Variants in ALOXE3 observed in about 807,000 individuals in gnomAD.
ALOXE3 encodes the protein arachidonate epidermal lipoxygenase 3, also known as hydroperoxide isomerase ALOXE3.
A neutral mutation model predicts 87.5 loss-of-function variants in ALOXE3; 78 were observed. That is an observed-to-expected ratio of 0.89 (90% CI 0.74 to 1.08). The LOEUF (loss-of-function observed/expected upper bound fraction) is 1.08. Ranked by LOEUF, ALOXE3 falls within the 50% of genes least tolerant of loss-of-function variation. ALOXE3 has a pLI of 0.00. For synonymous variants in ALOXE3, 363 were observed against 370.8 expected (o/e 0.98, Z 0.24); for missense variants, 946 against 912.4 (o/e 1.04, Z -0.47).
At chr17:8,103,645 G>C (rs1267996019) in intron 14 of ALOXE3, 152 bp from the exon 15 acceptor site, 5 of 900,634 alleles carry the variant, frequency 5.6e-6, no homozygotes, top group Non-Finnish European at 8.8e-6. Context: ...GAAATGAGGG[G>C]ATCATGGAAA....
chr17:8,097,849 G>A (rs1394492419), intron 15 of ALOXE3, among the ~76,000 whole-genome samples: 4 of 150,534 alleles, frequency 2.7e-5, no homozygotes, highest in East Asian at 3.9e-4. Flanking sequence ...CCGGGTTCAC[G>A]CTATTCTCCT....
chr17:8,096,503 A>G lies in ALOXE3; in HGVS notation c.*124T>C. ...AGCCATCTTGGCTGCAAAAGTCTCC[A>G]TGTGCAGAAGAGAAGGTTCAGGTGA... On this transcript the variant is annotated 3_prime_UTR_variant, in exon 16 of 16. Transcript: ENST00000448843. The G allele has an allele frequency of 5.5e-6, 4 of 727,544 alleles. No individual in the cohort carries two copies. The highest frequency in any genetic ancestry group is 1.0e-5 in the Non-Finnish European group (4 of 394,356). 45.1% of individuals were successfully genotyped at this position (727,544 alleles called of 1,614,324 possible).
In ALOXE3 at chr17:8,109,170, G is replaced by A. The variant is rs757289063; in HGVS notation, c.1562+4C>T. ...GACTGCTGGTCCCGCCCCGCACCTC[G>A]CACCTCTCAATGGCCGCCCAGATCT... is the stretch of plus-strand genomic sequence containing the variant. On this transcript the variant is annotated splice_donor_region_variant and intron_variant, in intron 12 of 15. Transcript: ENST00000448843. The A allele has an allele frequency of 1.1e-5, 18 of 1,612,804 alleles. No homozygotes were observed. The highest frequency in any genetic ancestry group is 4.0e-5 in the African/African-American group (3 of 74,942).
At position 8,109,202 on chromosome 17, in the gene ALOXE3, C is replaced by T. The variant is rs768352670; in HGVS notation, c.1534G>A (p.Gly512Ser). The change falls in exon 12 of 16, where the codon GGC (glycine) becomes AGC (serine). Residue 512 changes from glycine to serine, a missense_variant. By Grantham distance (56) the Gly-to-Ser change is moderately conservative (BLOSUM62 0). Coordinates refer to ENST00000448843, the MANE Select transcript of ALOXE3 (RefSeq NM_021628.3). ...AIPNYHYRDDGLKIWAAIESF... is the reference protein window; with the variant it reads ...AIPNYHYRDDSLKIWAAIESF... ...TCAATGGCCGCCCAGATCTTCAGGC[C>T]GTCGTCTCGGTAGTGGTAGTTGGGG... 9 of 1,613,774 alleles carry T rather than the reference C, an allele frequency of 5.6e-6. No individual in the cohort carries two copies. The Admixed American group carries it at 1.0e-4, about 18-fold the overall frequency.
intron 13 of ALOXE3, among the ~76,000 whole-genome samples, chr17:8,107,897 GAAA>G (rs1567996360): frequency 0.019 from 91 of 4,794 alleles, 2 homozygotes; most frequent in Non-Finnish European, 0.032. Flanking sequence ...AAGAAAGAAA[GAAA>G]GAAAGAAAGA....
chr17:8,111,885 C>A (rs1031967391), intron 7 of ALOXE3, among the ~76,000 whole-genome samples: 8 of 152,080 alleles, frequency 5.3e-5, no homozygotes, highest in Non-Finnish European at 1.2e-4. Flanking sequence ...TCTCCTGAAT[C>A]CCCTGTTTTT....
In ALOXE3 at chr17:8,114,618, C is replaced by A. The variant is rs762085295; in HGVS notation, c.555-9G>T. On this transcript the variant is annotated splice_polypyrimidine_tract_variant and intron_variant, in intron 5 of 15. Transcript: ENST00000448843. ...GGTACCGATTCCCACTGCTGGGGGT[C>A]GGGGGAGTAGAAAGACAGAAACCAG... 6.2e-7 allele frequency: 1 copy of A among 1,613,670 alleles called. No homozygotes were observed. The highest frequency in any genetic ancestry group is 1.7e-5 in the Admixed American group (1 of 59,978).
At chr17:8,117,795 C>A in intron 2 of ALOXE3, 49 bp downstream of exon 2, 3 of 1,590,592 alleles carry the variant, frequency 1.9e-6, no homozygotes, top group Non-Finnish European at 2.6e-6. Context: ...CTCCCGCCTG[C>A]GGCCCCTGCC....
At chr17:8,108,429 CAT>C in intron 13 of ALOXE3, 37 bp downstream of exon 13, 1 of 1,608,376 alleles carries the variant, frequency 6.2e-7, no homozygotes, top group East Asian at 2.2e-5. Context: ...AGTGCTAGCT[CAT>C]CAGAGCTACA....
chr17:8,107,601 C>CAT (rs2151834573), intron 13 of ALOXE3, among the ~76,000 whole-genome samples: 1 of 151,778 alleles, frequency 6.6e-6, no homozygotes, highest in South Asian at 2.1e-4. Flanking sequence ...AGATCGAGAC[C>CAT]ATCCTGGCTA....
At chr17:8,110,656 C>G (rs941630982) in intron 8 of ALOXE3, 128 bp from the exon 9 acceptor site, 43 of 1,370,906 alleles carry the variant, frequency 3.1e-5, no homozygotes, top group Non-Finnish European at 4.0e-5. Flanking sequence ...ATTCTTGGTG[C>G]CTGAATTAAT....
intron 11 of ALOXE3, among the ~76,000 whole-genome samples, 161 bp downstream of exon 11, chr17:8,109,755 C>T (rs529560071): frequency 1.7e-3 from 250 of 150,100 alleles, no homozygotes; most frequent in African/African-American, 5.6e-3. Context: ...CGGAGACCGG[C>T]GGAGTGGGCG....
At chr17:8,098,261 C>T (rs529800542) in intron 15 of ALOXE3, among the ~76,000 whole-genome samples, 856 of 73,944 alleles carry the variant, frequency 0.012, 9 homozygotes, top group African/African-American at 0.03. Context: ...TTTTTTGAGA[C>T]GGAGTCTCGC....
At position 8,100,843 on chromosome 17, in the gene ALOXE3, C is replaced by T. The variant is rs1044977713; in HGVS notation, c.1956+2480G>A. Among the ~76,000 whole-genome samples the T allele has an allele frequency of 4.6e-5, 7 of 152,172 alleles. No homozygotes were observed. In the East Asian group the frequency reaches 1.4e-3, roughly 29 times the overall value. On this transcript the variant is annotated intron_variant, in intron 15 of 15. Transcript: ENST00000448843. ...CAAAAAAACAGAACACACACACACACCAGAGAAAGAAAGAGAAAACACAGC... is the reference window on the plus strand; with the variant it reads ...CAAAAAAACAGAACACACACACACATCAGAGAAAGAAAGAGAAAACACAGC...
chr17:8,103,117 G>C (rs1371074148), intron 15 of ALOXE3, among the ~76,000 whole-genome samples: 2 of 152,200 alleles, frequency 1.3e-5, no homozygotes, highest in South Asian at 2.1e-4. Flanking sequence ...TAAATGGATG[G>C]ACGGACAGAT....
chr17:8,095,966 T>C lies in ALOXE3; in HGVS notation c.*661A>G, dbSNP rs1202998983. 1.3e-5 allele frequency: 2 copies of C among 152,074 alleles called. No individual in the cohort carries two copies. The highest frequency in any genetic ancestry group is 4.8e-5 in the African/African-American group (2 of 41,320). The allele number at this position is 152,074 out of a possible 1,614,324, so 9.4% of individuals were successfully genotyped here. A position where few individuals can be genotyped will look rare whatever the true frequency, so the allele number is the denominator to read the frequency against. On this transcript the variant is annotated 3_prime_UTR_variant, in exon 16 of 16. Transcript: ENST00000448843. ...CAAGGACAGAAAGAAAAAAATGGGATGAAAGGGAGTGGGATGAAAGGGGAG... is the reference window on the plus strand; with the variant it reads ...CAAGGACAGAAAGAAAAAAATGGGACGAAAGGGAGTGGGATGAAAGGGGAG...
intron 13 of ALOXE3, among the ~76,000 whole-genome samples, chr17:8,106,189 G>A (rs1485026299): frequency 1.3e-5 from 2 of 152,070 alleles, no homozygotes; most frequent in African/African-American, 4.8e-5. Flanking sequence ...TGACAGTAGG[G>A]ATCAGCCACC....
chr17:8,114,064 G>T (rs1162675855), intron 6 of ALOXE3, among the ~76,000 whole-genome samples: 1 of 151,762 alleles, frequency 6.6e-6, no homozygotes, highest in Non-Finnish European at 1.5e-5. Flanking sequence ...TGAAAAGTGT[G>T]GGCACCTGGG....
At chr17:8,100,979 A>G (rs1978885913) in intron 15 of ALOXE3, among the ~76,000 whole-genome samples, 1 of 151,532 alleles carries the variant, frequency 6.6e-6, no homozygotes, top group South Asian at 2.1e-4. Context: ...AAGTGGAACT[A>G]CCATTTATTG....
Sources: gnomAD v4.1 joint callset for allele counts (sites outside exome capture counted in the v4.1 genomes callset) on GRCh38, gnomAD v4.1.1 for gene constraint, MANE v1.5 for transcripts, NCBI Gene and HGNC (gene_info 2026-07-23, HGNC 2026-07-21) for gene names.